PTER: variants seen among roughly 807,000 people sequenced by gnomAD.
The protein encoded by PTER is N-acetyltaurine hydrolase.
PTER carries 38 observed loss-of-function variants against 29.6 expected under a neutral mutation model. That is an observed-to-expected ratio of 1.28 (90% confidence interval 0.99 to 1.68). PTER has a LOEUF of 1.68. PTER is among the 40% of genes most tolerant of loss of function. PTER has a pLI of 0.00. For synonymous variants in PTER, 172 were observed against 154.5 expected, an observed-to-expected ratio of 1.11 and a Z score of -0.84; for missense variants, 482 against 427.8, an observed-to-expected ratio of 1.13 and a Z score of -1.12.
rs555840913 is a variant in PTER, at chr10:16,496,833, T to A, written c.699-8187T>A. On this transcript the variant is annotated intron_variant, in intron 3 of 4. Coordinates refer to ENST00000535784, the MANE Select transcript of PTER (RefSeq NM_001261836.2). ...ATGGATAGATGGATGGATAGATGGA[T>A]GGATGATTCCCCTCTCTTCTCCCCT... Among the ~76,000 whole-genome samples the A allele has an allele frequency of 3.9e-5, 6 of 152,266 alleles. No homozygotes were observed. The East Asian group carries it at 7.7e-4, about 20-fold the overall frequency.
rs755173063 is a variant in PTER at position 16,484,466 on chromosome 10, CACCTGGCCATG to C, written c.87_97del (p.Ala30Ter). 1.2e-6 allele frequency: 2 copies of C among 1,614,098 alleles called. No individual in the cohort carries two copies. The highest frequency in any genetic ancestry group is 3.3e-5 in the Admixed American group (2 of 59,998). On this transcript the variant is annotated frameshift_variant, in exon 2 of 5. Coordinates refer to ENST00000535784, the MANE Select transcript of PTER (RefSeq NM_001261836.2). LOFTEE classifies it high-confidence loss of function. ...ACTGGGCCGTACCCTGACCCATGAA[CACCTGGCCATG>C]ACCTTTGACTGCTGTTACTGTCCAC...
At chr10:16,467,214 A>C (rs1834868490) in intron 1 of PTER, among the ~76,000 whole-genome samples, 1 of 152,198 alleles carries the variant, frequency 6.6e-6, no homozygotes, top group African/African-American at 2.4e-5. Context: ...CATTCACGTA[A>C]GTTTTATTCC....
chr10:16,444,664 A>T (rs1053924442), intron 1 of PTER, among the ~76,000 whole-genome samples: 3 of 152,142 alleles, frequency 2.0e-5, no homozygotes, highest in African/African-American at 7.2e-5. Context: ...AAATGCTAGG[A>T]TCACAGGCAT....
intron 1 of PTER, among the ~76,000 whole-genome samples, chr10:16,459,138 G>T (rs1049607682): frequency 6.6e-6 from 1 of 152,074 alleles, no homozygotes; most frequent in African/African-American, 2.4e-5. Context: ...TCAAAAATTT[G>T]CATTCTACAA....
chr10:16,512,466 T>C lies in PTER; in HGVS notation c.*1210T>C, dbSNP rs117705214. On this transcript the variant is annotated 3_prime_UTR_variant, in exon 5 of 5. Coordinates refer to ENST00000535784, the MANE Select transcript of PTER (RefSeq NM_001261836.2). ...TTATCTTACATATCACAAAGACCAA[T>C]TAGAATTAGTCATTATTCTTGATGA... 1.2e-4 allele frequency: 18 copies of C among 152,276 alleles called. No individual in the cohort carries two copies. The East Asian group carries it at 3.5e-3, about 29-fold the overall frequency. 9.4% of individuals were successfully genotyped at this position (152,276 alleles called of 1,614,324 possible). A position where few individuals can be genotyped will look rare whatever the true frequency, so the allele number is the denominator to read the frequency against.
intron 1 of PTER, among the ~76,000 whole-genome samples, chr10:16,450,940 G>A (rs918219290): frequency 1.5e-4 from 23 of 152,128 alleles, no homozygotes; most frequent in Non-Finnish European, 5.9e-5. Flanking sequence ...GACTATCAGC[G>A]TTCTCCATAC....
At chr10:16,441,567 A>G (rs1833850438) in intron 1 of PTER, among the ~76,000 whole-genome samples, 1 of 152,204 alleles carries the variant, frequency 6.6e-6, no homozygotes, top group African/African-American at 2.4e-5. Flanking sequence ...GCTGTGCTGC[A>G]TTCTTAGGGG....
chr10:16,440,199 G>A (rs938627823), intron 1 of PTER, among the ~76,000 whole-genome samples: 1 of 151,228 alleles, frequency 6.6e-6, no homozygotes, highest in Admixed American at 6.6e-5. Flanking sequence ...CCAACTAGCT[G>A]GAAATATAGG....
At chr10:16,451,559 G>C (rs899972516) in intron 1 of PTER, among the ~76,000 whole-genome samples, 1 of 151,966 alleles carries the variant, frequency 6.6e-6, no homozygotes, top group African/African-American at 2.4e-5. Context: ...AAATACAAAA[G>C]AAAGTAGCTG....
intron 3 of PTER, among the ~76,000 whole-genome samples, chr10:16,495,805 A>G (rs762245212): frequency 6.6e-6 from 1 of 152,204 alleles, no homozygotes; most frequent in Non-Finnish European, 1.5e-5. Context: ...AGGAGTTGGA[A>G]TACCTGCATT....
chr10:16,475,483 G>A (rs1381927898), intron 1 of PTER, among the ~76,000 whole-genome samples: 1 of 152,144 alleles, frequency 6.6e-6, no homozygotes. Flanking sequence ...ATTGCAACTC[G>A]GGGTTTTGCA....
chr10:16,457,456 G>T (rs1016629062), intron 1 of PTER, among the ~76,000 whole-genome samples: 3 of 151,980 alleles, frequency 2.0e-5, no homozygotes, highest in Non-Finnish European at 2.9e-5. Flanking sequence ...CTCGTGATCC[G>T]CCCGTCTCGG....
At chr10:16,484,887 G>T in intron 2 of PTER, 71 bp downstream of exon 2, 1 of 1,464,952 alleles carries the variant, frequency 6.8e-7, no homozygotes, top group Non-Finnish European at 9.1e-7. Context: ...GAAATGCCCT[G>T]GGTTCAGAGG....
downstream of PTER, chr10:16,514,284 GACACTA>G: frequency 1.8e-6 from 1 of 553,580 alleles, no homozygotes; most frequent in African/African-American, 1.9e-5. Flanking sequence ...CATTCACATG[GACACTA>G]ACGATAAGGA....
intron 3 of PTER, among the ~76,000 whole-genome samples, chr10:16,502,548 A>G (rs80265930): frequency 0.019 from 2,850 of 152,214 alleles, 82 homozygotes; most frequent in African/African-American, 0.064. Context: ...AAGTTATGCT[A>G]ATTTGGTGAA....
chr10:16,452,181 A>C lies in PTER; in HGVS notation c.-49+15134A>C, dbSNP rs567169880. ...CATATATCACCTAAAATCAGTTTGA[A>C]CCACCAGTGGGATACACACACACAC... On this transcript the variant is annotated intron_variant, in intron 1 of 4. Transcript: ENST00000535784. Among the ~76,000 whole-genome samples, 4 of 145,162 alleles carry C rather than the reference A, an allele frequency of 2.8e-5. No individual in the cohort carries two copies. In the East Asian group the frequency reaches 8.4e-4, roughly 30 times the overall value.
chr10:16,440,328 G>A (rs2133352675), intron 1 of PTER, among the ~76,000 whole-genome samples: 1 of 151,606 alleles, frequency 6.6e-6, no homozygotes, highest in South Asian at 2.1e-4. Flanking sequence ...TCAGCCTCCC[G>A]GCATGAGCCA....
At chr10:16,470,427 A>G (rs1237621007) in intron 1 of PTER, among the ~76,000 whole-genome samples, 2 of 152,208 alleles carry the variant, frequency 1.3e-5, no homozygotes, top group African/African-American at 4.8e-5. Flanking sequence ...TATCAAATCC[A>G]TAGTAACTTT....
rs931687968 is a variant in PTER, at chr10:16,513,124, T to C, written c.*1868T>C. 7 of 152,198 alleles carry C rather than the reference T, an allele frequency of 4.6e-5. No homozygotes were observed. The highest frequency in any genetic ancestry group is 1.7e-4 in the African/African-American group (7 of 41,456). The allele number at this position is 152,198 out of a possible 1,614,324, so 9.4% of individuals were successfully genotyped here. On this transcript the variant is annotated 3_prime_UTR_variant, in exon 5 of 5. Transcript: ENST00000535784. ...TCACAGAATGCAGTTAAAGTATTGATTGGCATATGGTAATAGAGCAACCAT... is the reference window on the plus strand; with the variant it reads ...TCACAGAATGCAGTTAAAGTATTGACTGGCATATGGTAATAGAGCAACCAT...
Sources: allele counts gnomAD v4.1 joint callset (sites outside exome capture counted in the v4.1 genomes callset), GRCh38; gene constraint gnomAD v4.1.1; transcripts MANE v1.5; gene names NCBI Gene and HGNC (gene_info 2026-07-23, HGNC 2026-07-21).